The following FER1L6 variants were observed in gnomAD, a reference collection of about 807,000 sequenced individuals.
The protein encoded by FER1L6 is fer-1-like protein 6.
In FER1L6, 177 loss-of-function variants were observed where a neutral mutation model predicts 219.2. The ratio of observed to expected loss-of-function variants is 0.81; its 90% confidence interval spans 0.71 to 0.91. The LOEUF (loss-of-function observed/expected upper bound fraction) is 0.91. Among genes scored for constraint, FER1L6 ranks in the 40% least tolerant of loss-of-function variants. The pLI, the probability that FER1L6 is intolerant of heterozygous loss-of-function variation, is 0.00. For missense variants in FER1L6, 2,153 were observed against 2,259.9 expected (o/e 0.95, Z 0.96); for synonymous variants, 768 against 824.3 (o/e 0.93, Z 1.17).
intron 1 of FER1L6, among the ~76,000 whole-genome samples, chr8:123,901,605 G>A (rs902754229): frequency 6.6e-6 from 1 of 151,936 alleles, no homozygotes; most frequent in Non-Finnish European, 1.5e-5. Context: ...ATGTCAGTTA[G>A]TGCACTTTCA....
chr8:123,950,868 G>A (rs1185757427), intron 1 of FER1L6, among the ~76,000 whole-genome samples: 1 of 152,160 alleles, frequency 6.6e-6, no homozygotes. Flanking sequence ...TGATCCAGAA[G>A]AGGATTGTTC....
At chr8:124,046,139 G>A in intron 21 of FER1L6, 1 of 439,030 alleles carries the variant, frequency 2.3e-6, no homozygotes, top group Non-Finnish European at 4.0e-6. Context: ...AATTAAAATT[G>A]GATCTGGTTT....
rs371609215 is a variant in FER1L6 at position 123,986,059 on chromosome 8, T to C, written c.1411-9T>C. On this transcript the variant is annotated splice_polypyrimidine_tract_variant and intron_variant, in intron 11 of 40. Coordinates refer to ENST00000522917, the MANE Select transcript of FER1L6 (RefSeq NM_001039112.2). The stretch of plus-strand genomic sequence containing the variant: ...AGTTCTGCCTAATAATTTTGTTTTC[T>C]TTCTGTAGATTGTACCAGAAAAAAA... 2.6e-6 allele frequency: 4 copies of C among 1,563,878 alleles called. No individual in the cohort carries two copies. Among genetic ancestry groups the C allele is most frequent in the South Asian group, 1.1e-5 (1 of 89,718 alleles).
At chr8:124,058,355 C>T (rs889835460) in intron 22 of FER1L6, among the ~76,000 whole-genome samples, 1 of 152,154 alleles carries the variant, frequency 6.6e-6, no homozygotes, top group Non-Finnish European at 1.5e-5. Context: ...GCTTTCAGAC[C>T]AACTACCCAT....
chr8:123,909,007 C>T (rs1019647100), intron 1 of FER1L6, among the ~76,000 whole-genome samples: 2 of 152,274 alleles, frequency 1.3e-5, no homozygotes, highest in Admixed American at 6.5e-5. Flanking sequence ...ACTGGAGGGG[C>T]ATGGCCCATG....
At chr8:123,906,573 G>T (rs1394063942) in intron 1 of FER1L6, among the ~76,000 whole-genome samples, 1 of 152,126 alleles carries the variant, frequency 6.6e-6, no homozygotes, top group Non-Finnish European at 1.5e-5. Flanking sequence ...GCTGAGGCAG[G>T]CAGATTACTT....
chr8:123,906,834 C>T (rs1048262753), intron 1 of FER1L6, among the ~76,000 whole-genome samples: 15 of 151,472 alleles, frequency 9.9e-5, no homozygotes, highest in Non-Finnish European at 1.9e-4. Flanking sequence ...AGATTGCTCA[C>T]ACATCTGAAG....
At chr8:123,877,703 A>T (rs2130288916) in intron 1 of FER1L6, among the ~76,000 whole-genome samples, 1 of 152,168 alleles carries the variant, frequency 6.6e-6, no homozygotes, top group East Asian at 1.9e-4. Flanking sequence ...TCTTTCAAAA[A>T]ATCCACCGGA....
At chr8:124,116,293 T>C (rs59543900) in intron 39 of FER1L6, among the ~76,000 whole-genome samples, 2,776 of 150,866 alleles carry the variant, frequency 0.018, 82 homozygotes, top group African/African-American at 0.065. Context: ...TAAAGTGCCA[T>C]AGCCAAAAAG....
chr8:124,091,163 G>C (rs1465679018), intron 33 of FER1L6, among the ~76,000 whole-genome samples: 1 of 152,136 alleles, frequency 6.6e-6, no homozygotes, highest in Non-Finnish European at 1.5e-5. Context: ...ATTTTGTTAT[G>C]TGAATTTCAC....
intron 39 of FER1L6, among the ~76,000 whole-genome samples, chr8:124,110,513 C>A (rs753854338): frequency 6.6e-6 from 1 of 152,292 alleles, no homozygotes; most frequent in Non-Finnish European, 1.5e-5. Flanking sequence ...GAGGTGAAGT[C>A]TGAGGTGATA....
chr8:124,003,451 CTTTTTTTTTTTTTTTTT>C (rs71289633), intron 13 of FER1L6, 104 bp downstream of exon 13: 16 of 111,754 alleles, frequency 1.4e-4, no homozygotes, highest in South Asian at 2.3e-4. Flanking sequence ...CAGAAATGTC[CTTTTTTTTTTTTTTTTT>C]TTTTTTTTTT....
intron 1 of FER1L6, among the ~76,000 whole-genome samples, chr8:123,867,502 G>C (rs1237776482): frequency 6.6e-6 from 1 of 152,134 alleles, no homozygotes; most frequent in Non-Finnish European, 1.5e-5. Flanking sequence ...GGTTCTGGGG[G>C]GTTGAAATTC....
chr8:123,975,849 G>T lies in FER1L6; in HGVS notation c.684-49G>T. 2.8e-6 allele frequency: 4 copies of T among 1,440,046 alleles called. No individual in the cohort carries two copies. In the South Asian group the frequency reaches 4.4e-5, roughly 16 times the overall value. The allele number at this position is 1,440,046 out of a possible 1,614,324, so 89.2% of individuals were successfully genotyped here. The stretch of plus-strand genomic sequence containing the variant: ...CAAATTGCTCCTGTCTTTTCTCTCT[G>T]TTTCTTCAATTGAGAGAGCTTTTTC... On this transcript the variant is annotated intron_variant, in intron 8 of 40. Coordinates refer to ENST00000522917, the MANE Select transcript of FER1L6 (RefSeq NM_001039112.2).
chr8:124,062,784 AG>A (rs1820645917), intron 25 of FER1L6, among the ~76,000 whole-genome samples: 1 of 152,188 alleles, frequency 6.6e-6, no homozygotes, highest in Non-Finnish European at 1.5e-5. Flanking sequence ...ATGTACACCC[AG>A]GGGTGAGATG....
intron 39 of FER1L6, among the ~76,000 whole-genome samples, chr8:124,117,706 A>G (rs917252204): frequency 6.6e-6 from 1 of 152,146 alleles, no homozygotes; most frequent in Non-Finnish European, 1.5e-5. Context: ...ACCTTACCCC[A>G]TGTATTCTAT....
intron 1 of FER1L6, among the ~76,000 whole-genome samples, chr8:123,929,221 G>C (rs1813676228): frequency 6.6e-6 from 1 of 152,152 alleles, no homozygotes; most frequent in African/African-American, 2.4e-5. Flanking sequence ...TTATTGAGTG[G>C]CTACTCTGCC....
chr8:124,038,698 G>C (rs1266745974), intron 19 of FER1L6, among the ~76,000 whole-genome samples: 1 of 152,186 alleles, frequency 6.6e-6, no homozygotes, highest in Non-Finnish European at 1.5e-5. Context: ...CACTAATAAA[G>C]GATTAGTAGT....
chr8:124,069,779 C>T (rs1458704476), intron 29 of FER1L6, among the ~76,000 whole-genome samples: 5 of 152,174 alleles, frequency 3.3e-5, no homozygotes, highest in Non-Finnish European at 1.5e-5. Context: ...CATCATCATG[C>T]AAATGTGTAC....
Sources: gnomAD v4.1 joint callset for allele counts (sites outside exome capture counted in the v4.1 genomes callset) on GRCh38, gnomAD v4.1.1 for gene constraint, MANE v1.5 for transcripts, NCBI Gene and HGNC (gene_info 2026-07-23, HGNC 2026-07-21) for gene names.